Variants in SH3GL3 observed in about 807,000 individuals in gnomAD.
The protein encoded by SH3GL3 is SH3 domain containing GRB2 like 3, endophilin A3, also known as endophilin-A3.
Under a neutral mutation model 47.7 loss-of-function variants are expected in SH3GL3, and 33 were observed. That is an observed-to-expected ratio of 0.69 (90% CI 0.52 to 0.92). The LOEUF is 0.92. Among genes scored for constraint, SH3GL3 ranks in the 40% least tolerant of loss-of-function variants. The pLI is 0.00. For synonymous variants in SH3GL3, 155 were observed against 148.8 expected, an observed-to-expected ratio of 1.04 and a Z score of -0.30; for missense variants, 363 against 417.8, an observed-to-expected ratio of 0.87 and a Z score of 1.14.
rs139559245 is a variant in SH3GL3, at chr15:83,448,834, G to T, written c.45+1256G>T. 9.8e-4 allele frequency among the ~76,000 whole-genome samples: 149 copies of T among 152,298 alleles called. No homozygotes were observed. The highest frequency in any genetic ancestry group is 3.5e-3 in the African/African-American group (146 of 41,562). On this transcript the variant is annotated intron_variant, in intron 1 of 8. Transcript: ENST00000427482. This position sits in a 1 kb window ranked among gnomAD's most constrained non-coding sequence, Gnocchi z 4.2. ...TGGGTGATGCTGTTTCTAGCTGGGG[G>T]CACTGGGTGGACAGTGGTGCTATTC...
intron 1 of SH3GL3, among the ~76,000 whole-genome samples, chr15:83,542,169 T>C (rs1450843640): frequency 6.6e-6 from 1 of 152,220 alleles, no homozygotes; most frequent in African/African-American, 2.4e-5. Flanking sequence ...AGGGATCTAG[T>C]TTCACTCTTC....
At chr15:83,494,163 G>T (rs1021887712) in intron 1 of SH3GL3, among the ~76,000 whole-genome samples, 1 of 152,188 alleles carries the variant, frequency 6.6e-6, no homozygotes, top group African/African-American at 2.4e-5. Context: ...GTTCAGGTGG[G>T]TCTCCTGCCC....
intron 8 of SH3GL3, among the ~76,000 whole-genome samples, chr15:83,589,330 G>A (rs1168892246): frequency 1.3e-5 from 2 of 152,034 alleles, no homozygotes; most frequent in African/African-American, 4.8e-5. Flanking sequence ...TATCTATTGA[G>A]GTACATAAAT....
chr15:83,509,837 C>T (rs1018009244), intron 1 of SH3GL3, among the ~76,000 whole-genome samples: 1 of 152,134 alleles, frequency 6.6e-6, no homozygotes, highest in Non-Finnish European at 1.5e-5. Flanking sequence ...TGCCCTCACC[C>T]CCACCAGTTT....
chr15:83,543,038 G>A (rs1212088812), intron 1 of SH3GL3, among the ~76,000 whole-genome samples: 1 of 151,908 alleles, frequency 6.6e-6, no homozygotes, highest in African/African-American at 2.4e-5. Flanking sequence ...GTGAAAGTGG[G>A]CATCCTTGTC....
chr15:83,536,750 T>C (rs1020879338), intron 1 of SH3GL3, among the ~76,000 whole-genome samples: 11 of 152,166 alleles, frequency 7.2e-5, no homozygotes, highest in Admixed American at 6.5e-4. Context: ...TCACTCTTTT[T>C]TATTGAGTTT....
At chr15:83,622,822 G>A (rs1159267767), downstream of SH3GL3, among the ~76,000 whole-genome samples, 4 of 152,324 alleles carry the variant, frequency 2.6e-5, no homozygotes, top group East Asian at 5.8e-4. Flanking sequence ...TCCTAATTCC[G>A]TTATACCCTT....
chr15:83,614,473 A>G (rs1224801633), intron 8 of SH3GL3, among the ~76,000 whole-genome samples: 3 of 152,110 alleles, frequency 2.0e-5, no homozygotes, highest in African/African-American at 7.2e-5. Flanking sequence ...CTCCCCTACC[A>G]TTACCCCCTT....
intron 1 of SH3GL3, among the ~76,000 whole-genome samples, chr15:83,475,975 A>G (rs975737512): frequency 1.3e-5 from 2 of 152,180 alleles, no homozygotes. Flanking sequence ...TTAATCAACC[A>G]TTACGTGAGT....
At position 83,447,554 on chromosome 15, in the gene SH3GL3, G is replaced by C; in HGVS notation, c.21G>C (p.Lys7Asn). MSVAGLKKQFHKASQLF... is the reference protein window; with the variant it reads MSVAGLNKQFHKASQLF... ...TCGCGATGTCGGTGGCCGGGCTGAA[G>C]AAGCAGTTCCACAAAGCCAGCCAGG... is the stretch of plus-strand genomic sequence containing the variant. The change falls in exon 1 of 9, where the codon AAG becomes AAC. Residue 7 changes from lysine (K) to asparagine (N), a missense_variant. Lys to Asn is a moderately conservative substitution (Grantham distance 94). Coordinates refer to ENST00000427482, the MANE Select transcript of SH3GL3 (RefSeq NM_003027.5). The surrounding 1 kb of genome is among the most constrained non-coding windows in gnomAD (Gnocchi z 5.1). 6.6e-7 allele frequency: 1 copy of C among 1,506,894 alleles called. No homozygotes were observed. The highest frequency in any genetic ancestry group is 8.9e-7 in the Non-Finnish European group (1 of 1,125,700). 93.3% of individuals were successfully genotyped at this position (1,506,894 alleles called of 1,614,324 possible). A position where few individuals can be genotyped will look rare whatever the true frequency, so the allele number is the denominator to read the frequency against.
intron 6 of SH3GL3, among the ~76,000 whole-genome samples, chr15:83,578,139 CAAATG>C (rs1385878374): frequency 6.6e-6 from 1 of 152,162 alleles, no homozygotes; most frequent in African/African-American, 2.4e-5. Context: ...CAAGTAAAGT[CAAATG>C]AAATGGAATT....
intron 8 of SH3GL3, among the ~76,000 whole-genome samples, chr15:83,613,624 T>A (rs200800905): frequency 0.029 from 347 of 12,158 alleles, 1 homozygote; most frequent in African/African-American, 0.1. Context: ...TATATAAATC[T>A]ATCTATCTAT....
chr15:83,488,696 CAT>C (rs1596085425), intron 1 of SH3GL3, among the ~76,000 whole-genome samples: 2 of 152,212 alleles, frequency 1.3e-5, no homozygotes, highest in African/African-American at 4.8e-5. Context: ...TGCTCCCTTC[CAT>C]GTGGCACAGT....
intron 1 of SH3GL3, chr15:83,490,621 C>G (rs1312025911): frequency 3.1e-6 from 2 of 649,314 alleles, no homozygotes; most frequent in Non-Finnish European, 4.9e-6. Flanking sequence ...CCTAGTTCAG[C>G]CTGGCACAGT....
intron 1 of SH3GL3, among the ~76,000 whole-genome samples, chr15:83,477,643 G>A (rs1385309504): frequency 1.3e-5 from 2 of 152,092 alleles, no homozygotes; most frequent in African/African-American, 4.8e-5. Flanking sequence ...GACCATATAT[G>A]TTCTATAGGC....
intron 8 of SH3GL3, among the ~76,000 whole-genome samples, chr15:83,608,204 G>A (rs2060577175): frequency 6.6e-6 from 1 of 152,100 alleles, no homozygotes. Flanking sequence ...CATCTCCTGT[G>A]GATAAATACA....
intron 1 of SH3GL3, among the ~76,000 whole-genome samples, chr15:83,456,674 C>T (rs899072435): frequency 3.5e-5 from 5 of 143,476 alleles, no homozygotes; most frequent in East Asian, 2.1e-4. Context: ...GGCTCGCGCA[C>T]GGTGCGCACA....
At chr15:83,511,223 G>A (rs559162290) in intron 1 of SH3GL3, among the ~76,000 whole-genome samples, 18 of 151,970 alleles carry the variant, frequency 1.2e-4, no homozygotes, top group Admixed American at 1.1e-3. Context: ...CCCCATGATG[G>A]TGCCTTAGGC....
At chr15:83,456,483 T>C (rs748147389) in intron 1 of SH3GL3, among the ~76,000 whole-genome samples, 120 of 70,556 alleles carry the variant, frequency 1.7e-3, no homozygotes, top group African/African-American at 4.7e-3. Flanking sequence ...TAGGACCCTC[T>C]GAGCCAGGTG....
Sources: gnomAD v4.1 joint callset for allele counts (sites outside exome capture counted in the v4.1 genomes callset) on GRCh38, gnomAD v4.1.1 for gene constraint, Gnocchi (gnomAD v3.1) non-coding constraint, MANE v1.5 for transcripts, NCBI Gene and HGNC (gene_info 2026-07-23, HGNC 2026-07-21) for gene names.